Variants in SORL1 observed in about 807,000 individuals in gnomAD.
SORL1 encodes the protein sortilin-related receptor.
In SORL1, 127 loss-of-function variants were observed where a neutral mutation model predicts 273.7. That is an observed-to-expected ratio of 0.46 (90% CI 0.40 to 0.54). The LOEUF is 0.54. Ranked by LOEUF, SORL1 falls within the 20% of genes least tolerant of loss-of-function variation. SORL1 has a pLI of 0.00. For synonymous variants in SORL1, 1,031 were observed against 1,067.4 expected, an observed-to-expected ratio of 0.97 and a Z score of 0.66; for missense variants, 2,494 against 2,846.1, an observed-to-expected ratio of 0.88 and a Z score of 2.81.
intron 16 of SORL1, 107 bp from the exon 17 acceptor site, chr11:121,553,829 TG>T: frequency 9.4e-7 from 1 of 1,063,480 alleles, no homozygotes; most frequent in Non-Finnish European, 1.4e-6. Context: ...CCACACCACA[TG>T]CCAATGAATT....
Position 121,627,370 on chromosome 11 carries a change from C to T in SORL1, c.6365-185C>T, listed in dbSNP as rs2134957123. ...ATGCACAAGGCCCTTGGTCTATCAG[C>T]TCATGGCAAGTAGTGGGGAAGCAAT... On this transcript the variant is annotated intron_variant, in intron 46 of 47. Transcript: ENST00000260197. This position sits in a 1 kb window ranked among gnomAD's most constrained non-coding sequence, Gnocchi z 4.9. 1 of 610,780 alleles carries T rather than the reference C, an allele frequency of 1.6e-6. No individual in the cohort carries two copies. Among genetic ancestry groups the T allele is most frequent in the South Asian group, 1.9e-5 (1 of 52,080 alleles). The allele number at this position is 610,780 out of a possible 1,614,324, so 37.8% of individuals were successfully genotyped here.
At chr11:121,580,826 A>G (rs982430782) in intron 25 of SORL1, among the ~76,000 whole-genome samples, 3 of 151,740 alleles carry the variant, frequency 2.0e-5, no homozygotes, top group Non-Finnish European at 2.9e-5. Context: ...GCTGGTCTCG[A>G]ACTCCTGGGT....
chr11:121,498,670 G>C (rs1004522390), intron 6 of SORL1, among the ~76,000 whole-genome samples: 1 of 152,144 alleles, frequency 6.6e-6, no homozygotes, highest in Non-Finnish European at 1.5e-5. Context: ...GAGGTCAGTA[G>C]TTTGAGACGA....
intron 23 of SORL1, among the ~76,000 whole-genome samples, chr11:121,573,634 A>G (rs971370381): frequency 1.3e-5 from 2 of 152,154 alleles, no homozygotes; most frequent in African/African-American, 4.8e-5. Flanking sequence ...AAACAAATCT[A>G]GTCTCTCTGA....
At chr11:121,562,868 G>T (rs1162419872) in intron 21 of SORL1, among the ~76,000 whole-genome samples, 2 of 152,206 alleles carry the variant, frequency 1.3e-5, no homozygotes, top group Non-Finnish European at 2.9e-5. Context: ...CACAGTATAG[G>T]TTTGGTCCTA....
At chr11:121,509,861 A>G (rs1861849697) in intron 6 of SORL1, among the ~76,000 whole-genome samples, 1 of 152,238 alleles carries the variant, frequency 6.6e-6, no homozygotes, top group Non-Finnish European at 1.5e-5. Context: ...ATTGAATTAG[A>G]TTCAAATATT....
intron 3 of SORL1, among the ~76,000 whole-genome samples, chr11:121,481,206 C>T (rs1246011666): frequency 1.2e-4 from 13 of 106,106 alleles, no homozygotes; most frequent in South Asian, 3.4e-4. Flanking sequence ...CTCCCCAGCT[C>T]CTCTCCTAGT....
rs1862383419 is a variant in SORL1, at chr11:121,543,809, G to A, written c.1864+83G>A. 5.5e-6 allele frequency: 7 copies of A among 1,272,460 alleles called. No homozygotes were observed. In the South Asian group the frequency reaches 9.9e-5, roughly 18 times the overall value. 78.8% of individuals were successfully genotyped at this position (1,272,460 alleles called of 1,614,324 possible). ...TGCAAAGCACCAGCTTAGATACTGT[G>A]TACTCAGAAGAGCCTGACATTCATT... On this transcript the variant is annotated intron_variant, in intron 13 of 47. Coordinates refer to ENST00000260197, the MANE Select transcript of SORL1 (RefSeq NM_003105.6).
At position 121,607,307 on chromosome 11, in the gene SORL1, A is replaced by G. The variant is rs1863492838; in HGVS notation, c.5166+17A>G. ...ACCGTCAGAGTGAGTGTCGTCATCC[A>G]TTCCAGCCATCCATGCAGTCTTAGA... On this transcript the variant is annotated intron_variant, in intron 37 of 47. Coordinates refer to ENST00000260197, the MANE Select transcript of SORL1 (RefSeq NM_003105.6). 1 of 1,394,680 alleles carries G rather than the reference A, an allele frequency of 7.2e-7. No individual in the cohort carries two copies. The highest frequency in any genetic ancestry group is 1.0e-6 in the Non-Finnish European group (1 of 981,494). The allele number at this position is 1,394,680 out of a possible 1,614,324, so 86.4% of individuals were successfully genotyped here.
chr11:121,499,875 T>C (rs1318821836), intron 6 of SORL1, among the ~76,000 whole-genome samples: 1 of 152,240 alleles, frequency 6.6e-6, no homozygotes, highest in Admixed American at 6.5e-5. Flanking sequence ...TGGTTTTGCA[T>C]GATTAACTCT....
At chr11:121,628,377 G>C (rs1863828715) in intron 47 of SORL1, among the ~76,000 whole-genome samples, 1 of 152,208 alleles carries the variant, frequency 6.6e-6, no homozygotes, top group South Asian at 2.1e-4. Context: ...GCAGGCATTA[G>C]ATTCTCATAG....
intron 26 of SORL1, among the ~76,000 whole-genome samples, chr11:121,585,867 C>T (rs2134892758): frequency 6.6e-6 from 1 of 152,232 alleles, no homozygotes; most frequent in South Asian, 2.1e-4. Context: ...ATTTATTAAA[C>T]AGTCTGTTAT....
At chr11:121,594,646 G>A (rs1427659034) in intron 31 of SORL1, among the ~76,000 whole-genome samples, 2 of 152,072 alleles carry the variant, frequency 1.3e-5, no homozygotes, top group Non-Finnish European at 2.9e-5. Context: ...TGTTTTTGAA[G>A]TTTTCTTCTT....
intron 46 of SORL1, chr11:121,626,676 G>C (rs1229181641): frequency 2.0e-5 from 3 of 152,244 alleles, no homozygotes. Flanking sequence ...GCCTGTTGAG[G>C]CTCCTCATGG....
chr11:121,468,590 T>G (rs1334510369), intron 1 of SORL1, among the ~76,000 whole-genome samples: 1 of 152,154 alleles, frequency 6.6e-6, no homozygotes, highest in East Asian at 1.9e-4. Context: ...CTGGCTACTT[T>G]TTGTATTTTT....
Position 121,574,221 on chromosome 11 carries a change from G to A in SORL1, c.3338-20G>A. On this transcript the variant is annotated intron_variant, in intron 23 of 47. Coordinates refer to ENST00000260197, the MANE Select transcript of SORL1 (RefSeq NM_003105.6). ...ATCAATTGTACCTAAGGAATATGTT[G>A]TCTTTCTATCCCATTTTAGCTACCA... The A allele has an allele frequency of 6.2e-7, 1 of 1,612,594 alleles. No homozygotes were observed. The highest frequency in any genetic ancestry group is 8.5e-7 in the Non-Finnish European group (1 of 1,178,876).
rs1021301117 is a variant in SORL1, at chr11:121,522,996, C to G, written c.1596+7C>G. ...TGGAGCCAGGTGGCGAGAGGTCAGC[C>G]CCCTCCCCCAATCCCGTCCCCTCCA... On this transcript the variant is annotated splice_region_variant and intron_variant, in intron 11 of 47. Coordinates refer to ENST00000260197, the MANE Select transcript of SORL1 (RefSeq NM_003105.6). The G allele has an allele frequency of 1.0e-5, 16 of 1,598,234 alleles. No individual in the cohort carries two copies. The African/African-American group carries it at 1.2e-4, about 12-fold the overall frequency.
At chr11:121,508,240 G>C (rs1423617717) in intron 6 of SORL1, among the ~76,000 whole-genome samples, 2 of 152,182 alleles carry the variant, frequency 1.3e-5, no homozygotes, top group Non-Finnish European at 2.9e-5. Flanking sequence ...GGAGGTAAGA[G>C]ACTAGACCCC....
chr11:121,592,282 T>C (rs1272987786), intron 31 of SORL1, among the ~76,000 whole-genome samples: 1 of 152,248 alleles, frequency 6.6e-6, no homozygotes, highest in East Asian at 1.9e-4. Flanking sequence ...AAAGAGACCT[T>C]GATATATTCA....
Sources: gnomAD v4.1 joint callset for allele counts (sites outside exome capture counted in the v4.1 genomes callset) on GRCh38, gnomAD v4.1.1 for gene constraint, Gnocchi (gnomAD v3.1) non-coding constraint, MANE v1.5 for transcripts, NCBI Gene and HGNC (gene_info 2026-07-23, HGNC 2026-07-21) for gene names.